Variants in PPP6R3 observed in about 807,000 individuals in gnomAD.
PPP6R3 encodes protein phosphatase 6 regulatory subunit 3, also known as serine/threonine-protein phosphatase 6 regulatory subunit 3.
PPP6R3 carries 38 observed loss-of-function variants against 110.7 expected under a neutral mutation model. That is an observed-to-expected ratio of 0.34 (90% CI 0.26 to 0.45). The LOEUF (loss-of-function observed/expected upper bound fraction) is 0.45, where lower values mean the gene tolerates loss of function less well. PPP6R3 is among the 20% of genes least tolerant of loss of function. The probability of loss-of-function intolerance (pLI) is 1.00; values close to 1 mark genes in which losing one functional copy is unlikely to be tolerated. For synonymous variants in PPP6R3, 369 were observed against 373.5 expected (o/e 0.99, Z 0.14); for missense variants, 870 against 1,062.4 (o/e 0.82, Z 2.52).
intron 2 of PPP6R3, among the ~76,000 whole-genome samples, chr11:68,526,510 T>C (rs574826305): frequency 1.3e-5 from 2 of 152,272 alleles, no homozygotes; most frequent in South Asian, 4.2e-4. Flanking sequence ...CCCTCCAAAG[T>C]GCTGAGATTA....
At position 68,600,284 on chromosome 11, in the gene PPP6R3, T is replaced by C. The variant is rs1253320719; in HGVS notation, c.2039-57T>C. On this transcript the variant is annotated intron_variant, in intron 19 of 23. Coordinates refer to ENST00000393800, the MANE Select transcript of PPP6R3 (RefSeq NM_001164161.2). ...GCTAATGTGTTTTTGATAAATACCT[T>C]GTGGTACATGAAACGACTGAAGTGT... 6 of 1,539,054 alleles carry C rather than the reference T, an allele frequency of 3.9e-6. No homozygotes were observed. The East Asian group carries it at 1.3e-4, about 35-fold the overall frequency.
chr11:68,478,765 C>T (rs1162599504), intron 1 of PPP6R3, among the ~76,000 whole-genome samples: 1 of 144,550 alleles, frequency 6.9e-6, no homozygotes, highest in Non-Finnish European at 1.5e-5. Flanking sequence ...TCAAGTGATT[C>T]TCCTGCCTCA....
Position 68,479,252 on chromosome 11 carries a change from C to T in PPP6R3, c.-158+18425C>T, listed in dbSNP as rs558347087. Among the ~76,000 whole-genome samples the T allele has an allele frequency of 1.5e-4, 23 of 152,182 alleles. No individual in the cohort carries two copies. In the South Asian group the frequency reaches 2.9e-3, roughly 19 times the overall value. The stretch of plus-strand genomic sequence containing the variant: ...GTTGTATCACTGGAATACCTGTAAC[C>T]GCTATTAAACAGCAGCAGATGCAGG... On this transcript the variant is annotated intron_variant, in intron 1 of 23. Coordinates refer to ENST00000393800, the MANE Select transcript of PPP6R3 (RefSeq NM_001164161.2).
intron 19 of PPP6R3, among the ~76,000 whole-genome samples, chr11:68,599,212 G>A (rs1017347772): frequency 6.6e-6 from 1 of 152,196 alleles, no homozygotes; most frequent in Non-Finnish European, 1.5e-5. Context: ...TATCCCTGAT[G>A]GAATGCAGTG....
intron 10 of PPP6R3, among the ~76,000 whole-genome samples, chr11:68,568,212 G>A (rs1293120551): frequency 6.6e-6 from 1 of 152,192 alleles, no homozygotes; most frequent in African/African-American, 2.4e-5. Flanking sequence ...AGCTAGCATG[G>A]TCATTGCCTT....
intron 14 of PPP6R3, among the ~76,000 whole-genome samples, chr11:68,578,882 G>A (rs910067504): frequency 6.6e-6 from 1 of 152,212 alleles, no homozygotes; most frequent in African/African-American, 2.4e-5. Flanking sequence ...TATATCCAAA[G>A]ACCTCTGTGT....
chr11:68,482,266 T>G (rs1349551905), intron 1 of PPP6R3, among the ~76,000 whole-genome samples: 1 of 149,372 alleles, frequency 6.7e-6, no homozygotes, highest in African/African-American at 2.5e-5. Flanking sequence ...AAACAAAAAT[T>G]AGCTGAACGT....
At chr11:68,584,968 A>G (rs1052374858) in intron 15 of PPP6R3, among the ~76,000 whole-genome samples, 25 of 152,258 alleles carry the variant, frequency 1.6e-4, no homozygotes, top group Non-Finnish European at 1.2e-4. Context: ...GAGTTTCATC[A>G]TAGCCTCCAT....
At chr11:68,603,111 G>A (rs577592701) in intron 21 of PPP6R3, among the ~76,000 whole-genome samples, 3 of 149,824 alleles carry the variant, frequency 2.0e-5, no homozygotes, top group Non-Finnish European at 4.5e-5. Context: ...GGATGTAGGC[G>A]ACTTGCTAGT....
At chr11:68,588,555 T>G (rs1481766973) in intron 16 of PPP6R3, among the ~76,000 whole-genome samples, 4 of 151,880 alleles carry the variant, frequency 2.6e-5, no homozygotes, top group African/African-American at 9.7e-5. Flanking sequence ...CCTCCTGGGT[T>G]CACGCCATTC....
chr11:68,533,866 C>T (rs896000490), intron 2 of PPP6R3, among the ~76,000 whole-genome samples: 5 of 152,102 alleles, frequency 3.3e-5, no homozygotes, highest in African/African-American at 9.7e-5. Flanking sequence ...AGTTAGGCCA[C>T]GCTGCTGGAG....
intron 22 of PPP6R3, among the ~76,000 whole-genome samples, chr11:68,607,033 CTA>C (rs1467260781): frequency 6.6e-6 from 1 of 152,170 alleles, no homozygotes; most frequent in Non-Finnish European, 1.5e-5. Flanking sequence ...ACCCAAGTCT[CTA>C]TAGAGAAATC....
chr11:68,557,556 T>G (rs1171203246), intron 7 of PPP6R3, among the ~76,000 whole-genome samples: 2 of 152,156 alleles, frequency 1.3e-5, no homozygotes, highest in African/African-American at 4.8e-5. Flanking sequence ...TCTCGTTCTG[T>G]CACCCAGGCT....
intron 1 of PPP6R3, among the ~76,000 whole-genome samples, chr11:68,494,102 CAAA>C (rs11369178): frequency 1.7e-5 from 2 of 118,402 alleles, no homozygotes; most frequent in African/African-American, 3.5e-5. Flanking sequence ...GACTCCATCT[CAAA>C]AAAAAAAAAA....
chr11:68,476,477 A>AG (rs2098833609), intron 1 of PPP6R3, among the ~76,000 whole-genome samples: 2 of 16,288 alleles, frequency 1.2e-4, no homozygotes, highest in African/African-American at 5.4e-4. Flanking sequence ...GGGGAGGGGG[A>AG]GGGGGAGGGC....
chr11:68,597,592 C>T (rs2099617845), intron 19 of PPP6R3, among the ~76,000 whole-genome samples: 1 of 151,974 alleles, frequency 6.6e-6, no homozygotes, highest in Non-Finnish European at 1.5e-5. Context: ...CTCCAGGCAG[C>T]AGGGAGGTGT....
intron 1 of PPP6R3, among the ~76,000 whole-genome samples, chr11:68,516,446 T>C (rs990389358): frequency 2.0e-5 from 3 of 152,248 alleles, no homozygotes; most frequent in Non-Finnish European, 4.4e-5. Flanking sequence ...ATTATATGTT[T>C]AGATTTGGGC....
chr11:68,549,011 C>CT (rs1355890840), intron 5 of PPP6R3, among the ~76,000 whole-genome samples: 1 of 152,196 alleles, frequency 6.6e-6, no homozygotes, highest in East Asian at 1.9e-4. Context: ...TTGTCTCAGT[C>CT]TCCTGAGTAG....
At chr11:68,539,337 G>A (rs2099295149) in intron 3 of PPP6R3, among the ~76,000 whole-genome samples, 1 of 152,168 alleles carries the variant, frequency 6.6e-6, no homozygotes, top group Non-Finnish European at 1.5e-5. Flanking sequence ...AATCATTGAA[G>A]AGTAGGCATG....
Sources: gnomAD v4.1 joint callset for allele counts (sites outside exome capture counted in the v4.1 genomes callset) on GRCh38, gnomAD v4.1.1 for gene constraint, MANE v1.5 for transcripts, NCBI Gene and HGNC (gene_info 2026-07-23, HGNC 2026-07-21) for gene names.